ADCYAP1R1: variants seen among roughly 807,000 people sequenced by gnomAD.
ADCYAP1R1 encodes the protein ADCYAP receptor type I, also known as pituitary adenylate cyclase-activating polypeptide type I receptor.
ADCYAP1R1 carries 44 observed loss-of-function variants against 67.6 expected under a neutral mutation model. That is an observed-to-expected ratio of 0.65 (90% CI 0.51 to 0.84). ADCYAP1R1 has a LOEUF of 0.84. Ranked by LOEUF, ADCYAP1R1 falls within the 40% of genes least tolerant of loss-of-function variation. The pLI is 0.00. For synonymous variants in ADCYAP1R1, 222 were observed against 219.6 expected (o/e 1.01, Z -0.10); for missense variants, 477 against 587.9 (o/e 0.81, Z 1.95).
At chr7:31,095,556 G>A in intron 13 of ADCYAP1R1, 1 of 703,726 alleles carries the variant, frequency 1.4e-6, no homozygotes. Flanking sequence ...GGGAGAGGGA[G>A]ATTCCAGGGC....
chr7:31,094,790 C>T (rs1452094200), intron 13 of ADCYAP1R1, among the ~76,000 whole-genome samples: 1 of 151,986 alleles, frequency 6.6e-6, no homozygotes. Context: ...CTGTAATTAG[C>T]ACATGGTTTA....
chr7:31,092,188 A>G (rs1795988661), intron 12 of ADCYAP1R1, among the ~76,000 whole-genome samples: 1 of 149,952 alleles, frequency 6.7e-6, no homozygotes, highest in South Asian at 2.2e-4. Flanking sequence ...ATCTGAAGGC[A>G]ATGCTACTAT....
chr7:31,066,170 G>GCAGTCC (rs1193259655), intron 3 of ADCYAP1R1, among the ~76,000 whole-genome samples: 2 of 152,230 alleles, frequency 1.3e-5, no homozygotes, highest in Non-Finnish European at 2.9e-5. Context: ...GGACTGCCGA[G>GCAGTCC]CCCTGAGGGC....
chr7:31,066,053 C>G lies in ADCYAP1R1; in HGVS notation c.157+1117C>G, dbSNP rs552713908. Among the ~76,000 whole-genome samples the G allele has an allele frequency of 2.2e-5, 3 of 134,280 alleles. No individual in the cohort carries two copies. In the East Asian group the frequency reaches 6.8e-4, roughly 30 times the overall value. The allele number at this position is 134,280 out of a possible 152,430, so 88.1% of individuals were successfully genotyped here. ...ACCAAGGTTGAACGTGGATTCGGGG[C>G]CCCACCAGTGAGGGAAACTGAGGCA... is the stretch of plus-strand genomic sequence containing the variant. On this transcript the variant is annotated intron_variant, in intron 3 of 15. Coordinates refer to ENST00000304166, the MANE Select transcript of ADCYAP1R1 (RefSeq NM_001118.5).
rs1205259760 is a variant in ADCYAP1R1, at chr7:31,108,439, T to G, written c.*1755T>G. 1 of 152,284 alleles carries G rather than the reference T, an allele frequency of 6.6e-6. No individual in the cohort carries two copies. Among genetic ancestry groups the G allele is most frequent in the Admixed American group, 6.5e-5 (1 of 15,276 alleles). The allele number at this position is 152,284 out of a possible 1,614,324, so 9.4% of individuals were successfully genotyped here. On this transcript the variant is annotated 3_prime_UTR_variant, in exon 16 of 16. Transcript: ENST00000304166. ...ACCTCATGATCCCCTCCACCTGCAC[T>G]GGTGTGCATTACTGAAGCAAGGGTC...
At chr7:31,093,951 CCCTGAGGCTT>C (rs1796076590) in intron 13 of ADCYAP1R1, among the ~76,000 whole-genome samples, 2 of 152,010 alleles carry the variant, frequency 1.3e-5, no homozygotes, top group Non-Finnish European at 2.9e-5. Flanking sequence ...CCCTAAGGCT[CCCTGAGGCTT>C]CCTCAGGGAG....
chr7:31,108,876 G>T lies in ADCYAP1R1; in HGVS notation c.*2192G>T, dbSNP rs2128000450. ...CACCACAGTGGAAGCTGGTGGCCTG[G>T]AAGGAAGGATTAGGTCATGGACATT... On this transcript the variant is annotated 3_prime_UTR_variant, in exon 16 of 16. Coordinates refer to ENST00000304166, the MANE Select transcript of ADCYAP1R1 (RefSeq NM_001118.5). The T allele has an allele frequency of 6.6e-6, 1 of 152,298 alleles. No homozygotes were observed. Among genetic ancestry groups the T allele is most frequent in the Admixed American group, 6.5e-5 (1 of 15,296 alleles). The allele number at this position is 152,298 out of a possible 1,614,324, so 9.4% of individuals were successfully genotyped here.
chr7:31,060,501 G>GGTGTGTGT (rs61249603), intron 1 of ADCYAP1R1, among the ~76,000 whole-genome samples: 7,263 of 149,212 alleles, frequency 0.049, 584 homozygotes, highest in African/African-American at 0.17. Context: ...GTGTGTGTGT[G>GGTGTGTGT]GTGTGTGTGT....
chr7:31,099,174 C>A (rs1468683540), intron 13 of ADCYAP1R1, among the ~76,000 whole-genome samples: 2 of 152,198 alleles, frequency 1.3e-5, no homozygotes, highest in African/African-American at 4.8e-5. Flanking sequence ...AGTGAGACTG[C>A]AGCCTGGGCC....
rs553327655 is a variant in ADCYAP1R1 at position 31,060,829 on chromosome 7, C to T, written c.-71-2365C>T. Among the ~76,000 whole-genome samples, 19 of 152,302 alleles carry T rather than the reference C, an allele frequency of 1.2e-4. 1 individual carries two copies. In the South Asian group the frequency reaches 3.9e-3, roughly 32 times the overall value. ...ACCAGAGCTGTTCAAACTCCTAGTT[C>T]CTCTGTGCCAGCTCCCTGGGTTCTA... On this transcript the variant is annotated intron_variant, in intron 1 of 15. Coordinates refer to ENST00000304166, the MANE Select transcript of ADCYAP1R1 (RefSeq NM_001118.5).
At chr7:31,093,358 C>T (rs559585849) in intron 13 of ADCYAP1R1, among the ~76,000 whole-genome samples, 18 of 152,298 alleles carry the variant, frequency 1.2e-4, no homozygotes, top group African/African-American at 2.2e-4. Flanking sequence ...TACCATAGAG[C>T]GTAGGGCTTT....
In ADCYAP1R1 at chr7:31,086,226, A is replaced by G. The variant is rs969334592; in HGVS notation, c.670-158A>G. Among the ~76,000 whole-genome samples, 2 of 152,156 alleles carry G rather than the reference A, an allele frequency of 1.3e-5. No individual in the cohort carries two copies. The highest frequency in any genetic ancestry group is 4.8e-5 in the African/African-American group (2 of 41,430). On this transcript the variant is annotated intron_variant, in intron 9 of 15. Transcript: ENST00000304166. The surrounding 1 kb of genome is among the most constrained non-coding windows in gnomAD (Gnocchi z 5.0). ...GGCAGCTTTGACTCAGAATCATGGGATGCTGCAATTTTCAACTCTTTGATC... is the reference window on the plus strand; with the variant it reads ...GGCAGCTTTGACTCAGAATCATGGGGTGCTGCAATTTTCAACTCTTTGATC...
At chr7:31,068,700 C>T (rs1584488672) in intron 3 of ADCYAP1R1, among the ~76,000 whole-genome samples, 1 of 152,160 alleles carries the variant, frequency 6.6e-6, no homozygotes, top group Non-Finnish European at 1.5e-5. Context: ...TGAGGGGAGG[C>T]CCCTGGGGAG....
intron 3 of ADCYAP1R1, among the ~76,000 whole-genome samples, chr7:31,071,961 A>C (rs1388671586): frequency 1.2e-5 from 1 of 85,556 alleles, no homozygotes; most frequent in Non-Finnish European, 2.3e-5. Context: ...TAAATGATCC[A>C]TCCATCCATC....
intron 3 of ADCYAP1R1, among the ~76,000 whole-genome samples, chr7:31,065,550 C>T (rs1794701312): frequency 6.6e-6 from 1 of 152,208 alleles, no homozygotes; most frequent in Admixed American, 6.5e-5. Flanking sequence ...CAATGACAAT[C>T]ACAAAATGCC....
At position 31,084,728 on chromosome 7, in the gene ADCYAP1R1, C is replaced by G. The variant is rs1584515480; in HGVS notation, c.439-9C>G. On this transcript the variant is annotated splice_polypyrimidine_tract_variant and intron_variant, in intron 7 of 15. Coordinates refer to ENST00000304166, the MANE Select transcript of ADCYAP1R1 (RefSeq NM_001118.5). ...CATGAAGTCCTGCATGTCCTGTGCT[C>G]TGCTTCAGGATTATTACTACCTGTC... 1 of 1,609,938 alleles carries G rather than the reference C, an allele frequency of 6.2e-7. No homozygotes were observed. Among genetic ancestry groups the G allele is most frequent in the Non-Finnish European group, 8.5e-7 (1 of 1,176,188 alleles).
chr7:31,063,331 C>T lies in ADCYAP1R1; in HGVS notation c.51+16C>T, dbSNP rs958097358. The T allele has an allele frequency of 3.1e-6, 5 of 1,613,962 alleles. No individual in the cohort carries two copies. The highest frequency in any genetic ancestry group is 4.2e-6 in the Non-Finnish European group (5 of 1,179,970). On this transcript the variant is annotated intron_variant, in intron 2 of 15. Transcript: ENST00000304166. ...GCTGCCTATGGTAAGGGCCCAGGAA[C>T]ATCTCTCTGGGAGCCCCAGGCTCAC...
intron 3 of ADCYAP1R1, among the ~76,000 whole-genome samples, chr7:31,076,730 G>C (rs1795239173): frequency 6.6e-6 from 1 of 152,178 alleles, no homozygotes; most frequent in South Asian, 2.1e-4. Context: ...TCCCCTGCTG[G>C]GCCTGCCTTG....
chr7:31,063,062 G>T (rs1794575362), intron 1 of ADCYAP1R1, 132 bp from the exon 2 acceptor site: 2 of 607,134 alleles, frequency 3.3e-6, no homozygotes, highest in Non-Finnish European at 5.9e-6. Context: ...ACGGATGCAG[G>T]CAGGGAGGTG....
Sources: gnomAD v4.1 joint callset for allele counts (sites outside exome capture counted in the v4.1 genomes callset) on GRCh38, gnomAD v4.1.1 for gene constraint, Gnocchi (gnomAD v3.1) non-coding constraint, MANE v1.5 for transcripts, NCBI Gene and HGNC (gene_info 2026-07-23, HGNC 2026-07-21) for gene names.